Variants in ARHGAP17 observed in about 807,000 individuals in gnomAD.
ARHGAP17 encodes the protein rho GTPase-activating protein 17.
In ARHGAP17, 57 loss-of-function variants were observed where a neutral mutation model predicts 99.5. The ratio of observed to expected loss-of-function variants is 0.57; its 90% CI spans 0.46 to 0.71. The LOEUF (loss-of-function observed/expected upper bound fraction) is 0.71. Ranked by LOEUF, ARHGAP17 falls within the 30% of genes least tolerant of loss-of-function variation. ARHGAP17 has a pLI of 0.00. For missense variants in ARHGAP17, 1,000 were observed against 1,122.4 expected, an observed-to-expected ratio of 0.89 and a Z score of 1.56; for synonymous variants, 417 against 429.6, an observed-to-expected ratio of 0.97 and a Z score of 0.36.
chr16:24,924,166 T>C (rs1413387407), intron 19 of ARHGAP17, among the ~76,000 whole-genome samples: 1 of 152,144 alleles, frequency 6.6e-6, no homozygotes, highest in Non-Finnish European at 1.5e-5. Context: ...ATGCCTTCCT[T>C]CACCAGTGAA....
At chr16:24,945,581 C>T (rs1023568904) in intron 14 of ARHGAP17, among the ~76,000 whole-genome samples, 26 of 152,286 alleles carry the variant, frequency 1.7e-4, no homozygotes, top group African/African-American at 6.0e-4. Context: ...CCTCAAACCT[C>T]TCCTCTCCTA....
chr16:24,935,480 T>C lies in ARHGAP17; in HGVS notation c.1884A>G (p.Thr628=), dbSNP rs141475135. The C allele has an allele frequency of 9.4e-6, 15 of 1,600,972 alleles. No homozygotes were observed. In the African/African-American group the frequency reaches 2.0e-4, roughly 21 times the overall value. The stretch of plus-strand genomic sequence containing the variant: ...ACGGTGGCTGCTTACCTCGGCGCAG[T>C]GTATGCGGGCTGGGCCCTGCAGCAT... ...PHNAAGPSPH[T]LRRAVKKPAP... is the part of the protein sequence containing the mutation. The change falls in exon 18 of 20, where the codon ACA becomes ACG. Residue 628 remains threonine, a synonymous_variant. Transcript: ENST00000289968.
intron 12 of ARHGAP17, among the ~76,000 whole-genome samples, chr16:24,952,034 T>G (rs1261008794): frequency 6.6e-6 from 1 of 152,212 alleles, no homozygotes; most frequent in Non-Finnish European, 1.5e-5. Context: ...AATCCATTAA[T>G]GTGGGTACCA....
chr16:24,971,006 G>C (rs1399010362), intron 3 of ARHGAP17, among the ~76,000 whole-genome samples: 1 of 152,060 alleles, frequency 6.6e-6, no homozygotes, highest in East Asian at 1.9e-4. Context: ...CACTGAAGTA[G>C]GTGGGATTAC....
intron 14 of ARHGAP17, among the ~76,000 whole-genome samples, chr16:24,945,015 T>C (rs1026171137): frequency 2.0e-5 from 3 of 151,952 alleles, no homozygotes; most frequent in Non-Finnish European, 4.4e-5. Context: ...ATGTTAATAG[T>C]GTCTGACGCC....
chr16:24,943,676 T>C, intron 15 of ARHGAP17, 95 bp downstream of exon 15: 2 of 1,086,712 alleles, frequency 1.8e-6, no homozygotes, highest in Non-Finnish European at 2.8e-6. Flanking sequence ...AATTACGTAA[T>C]CATGAAGAAG....
intron 6 of ARHGAP17, among the ~76,000 whole-genome samples, chr16:24,967,935 A>G (rs893928720): frequency 1.3e-5 from 2 of 152,200 alleles, no homozygotes; most frequent in African/African-American, 4.8e-5. Flanking sequence ...ATAGGTTTAC[A>G]TGAGTTCCTG....
In ARHGAP17 at chr16:24,944,523, C is replaced by T. The variant is rs117989248; in HGVS notation, c.1242-661G>A. ...GAATAGCATCACACATGGGTGGTAG[C>T]TATGTTCTAAGACTAAAGATTACTA... On this transcript the variant is annotated intron_variant, in intron 14 of 19. Coordinates refer to ENST00000289968, the MANE Select transcript of ARHGAP17 (RefSeq NM_001006634.3). 1.3e-4 allele frequency among the ~76,000 whole-genome samples: 20 copies of T among 152,298 alleles called. No homozygotes were observed. In the East Asian group the frequency reaches 2.1e-3, roughly 16 times the overall value.
intron 1 of ARHGAP17, among the ~76,000 whole-genome samples, chr16:24,979,824 C>A (rs887095189): frequency 2.0e-5 from 3 of 152,080 alleles, no homozygotes; most frequent in African/African-American, 7.2e-5. Context: ...GATTCTCGTG[C>A]CTTAGCCTCC....
At chr16:24,984,230 C>T (rs550553569) in intron 1 of ARHGAP17, among the ~76,000 whole-genome samples, 12 of 152,244 alleles carry the variant, frequency 7.9e-5, no homozygotes, top group African/African-American at 2.6e-4. Flanking sequence ...CAAGTCCCCG[C>T]GATCAATGCA....
chr16:24,952,497 T>A (rs1465315436), intron 11 of ARHGAP17, 127 bp from the exon 12 acceptor site: 27 of 631,040 alleles, frequency 4.3e-5, no homozygotes, highest in Non-Finnish European at 2.6e-6. Flanking sequence ...AAATCATAAG[T>A]TGGCAAGAGT....
chr16:24,975,991 G>A (rs1445285874), intron 3 of ARHGAP17, among the ~76,000 whole-genome samples: 1 of 151,912 alleles, frequency 6.6e-6, no homozygotes, highest in African/African-American at 2.4e-5. Flanking sequence ...ATCTACCCTG[G>A]CCTTGATAAA....
chr16:24,919,978 G>T lies in ARHGAP17; in HGVS notation c.*152C>A. The T allele has an allele frequency of 8.9e-7, 1 of 1,117,648 alleles. No individual in the cohort carries two copies. The highest frequency in any genetic ancestry group is 1.3e-6 in the Non-Finnish European group (1 of 794,824). 69.2% of individuals were successfully genotyped at this position (1,117,648 alleles called of 1,614,324 possible). On this transcript the variant is annotated 3_prime_UTR_variant, in exon 20 of 20. Coordinates refer to ENST00000289968, the MANE Select transcript of ARHGAP17 (RefSeq NM_001006634.3). ...TAGTGGTGGCCTCCAGGTTCTCCTT[G>T]GGCCGTGCAGAAGGCCAGGTCCCGC...
chr16:24,984,872 A>G (rs920307957), intron 1 of ARHGAP17, among the ~76,000 whole-genome samples: 4 of 151,698 alleles, frequency 2.6e-5, no homozygotes, highest in Non-Finnish European at 4.4e-5. Context: ...ATAAAATGGG[A>G]AAAAAAACCA....
chr16:25,008,988 G>A (rs1403283548), intron 1 of ARHGAP17, among the ~76,000 whole-genome samples: 1 of 152,214 alleles, frequency 6.6e-6, no homozygotes, highest in Non-Finnish European at 1.5e-5. Context: ...CTGCTCTATG[G>A]AGAGGTTGAT....
chr16:24,931,565 C>A (rs2050993485), intron 18 of ARHGAP17, among the ~76,000 whole-genome samples, 161 bp from the exon 19 acceptor site: 2 of 152,052 alleles, frequency 1.3e-5, no homozygotes, highest in Admixed American at 6.6e-5. Flanking sequence ...TCTTCCTCCC[C>A]AAAGCCCATA....
chr16:24,986,490 AAAT>A (rs1350370742), intron 1 of ARHGAP17, among the ~76,000 whole-genome samples: 3 of 152,212 alleles, frequency 2.0e-5, no homozygotes, highest in African/African-American at 7.2e-5. Context: ...GAAAAAAACA[AAAT>A]AATAATATTT....
Position 24,931,039 on chromosome 16 carries a change from G to C in ARHGAP17, c.2260C>G (p.Pro754Ala), listed in dbSNP as rs940159965. Residue 754 changes from proline to alanine, a missense_variant, in exon 19 of 20, where the codon CCT (proline) becomes GCT (alanine). Pro to Ala is a conservative substitution (Grantham distance 27). Coordinates refer to ENST00000289968, the MANE Select transcript of ARHGAP17 (RefSeq NM_001006634.3). ...EHGLEQPSHT[P>A]PQTPTPPSTP... is the part of the protein sequence containing the mutation. ...CTGGGGGGCGTTGGAGTCTGGGGAG[G>C]GGTGTGAGATGGCTGCTCAAGTCCA... is the stretch of plus-strand genomic sequence containing the variant. 4.3e-6 allele frequency: 7 copies of C among 1,610,374 alleles called. No homozygotes were observed. Among genetic ancestry groups the C allele is most frequent in the Non-Finnish European group, 5.9e-6 (7 of 1,178,048 alleles).
In ARHGAP17 at chr16:24,978,028, G is replaced by A. The variant is rs148044200; in HGVS notation, c.94-709C>T. ...TGTGCCTCTTTCTCAAAAGGGCAGC[G>A]TTTCTTCAGATCCAAGCCCATAGCC... On this transcript the variant is annotated intron_variant, in intron 2 of 19. Coordinates refer to ENST00000289968, the MANE Select transcript of ARHGAP17 (RefSeq NM_001006634.3). Among the ~76,000 whole-genome samples the A allele has an allele frequency of 3.8e-3, 586 of 152,268 alleles. 7 individuals carry two copies. Among genetic ancestry groups the A allele is most frequent in the Middle Eastern group, 0.031 (9 of 294 alleles).
Sources: gnomAD v4.1 joint callset for allele counts (sites outside exome capture counted in the v4.1 genomes callset) on GRCh38, gnomAD v4.1.1 for gene constraint, MANE v1.5 for transcripts, NCBI Gene and HGNC (gene_info 2026-07-23, HGNC 2026-07-21) for gene names.